Variants in RIPK1 observed in about 807,000 individuals in gnomAD.
RIPK1 encodes receptor interacting serine/threonine kinase 1, also known as receptor-interacting serine/threonine-protein kinase 1.
In RIPK1, 27 loss-of-function variants were observed where a neutral mutation model predicts 62.4. The observed-to-expected ratio is 0.43, with a 90% confidence interval of 0.32 to 0.60. RIPK1 has a LOEUF of 0.60. Among genes scored for constraint, RIPK1 ranks in the 20% least tolerant of loss-of-function variants. The pLI, the probability that RIPK1 is intolerant of heterozygous loss-of-function variation, is 0.07. For missense variants in RIPK1, 735 were observed against 831.0 expected, an observed-to-expected ratio of 0.88 and a Z score of 1.42; for synonymous variants, 287 against 303.2, an observed-to-expected ratio of 0.95 and a Z score of 0.55.
At chr6:3,097,256 A>G (rs1275178479) in intron 7 of RIPK1, among the ~76,000 whole-genome samples, 2 of 152,204 alleles carry the variant, frequency 1.3e-5, no homozygotes, top group Non-Finnish European at 2.9e-5. Flanking sequence ...AATCCATATG[A>G]AAAGGTAAAG....
chr6:3,071,955 T>G (rs534717074), intron 1 of RIPK1, among the ~76,000 whole-genome samples: 256 of 152,374 alleles, frequency 1.7e-3, no homozygotes, highest in Non-Finnish European at 3.0e-3. Flanking sequence ...CATGTTGTAG[T>G]TCCTGCCTGT....
intron 5 of RIPK1, among the ~76,000 whole-genome samples, chr6:3,084,640 T>C (rs1267585955): frequency 1.3e-5 from 2 of 149,226 alleles, no homozygotes; most frequent in South Asian, 2.1e-4. Flanking sequence ...TGTCGCCAGG[T>C]TGGAGTGCAG....
chr6:3,069,908 G>A (rs1758610405), intron 1 of RIPK1, among the ~76,000 whole-genome samples: 1 of 152,168 alleles, frequency 6.6e-6, no homozygotes, highest in Non-Finnish European at 1.5e-5. Flanking sequence ...CTACGCGGGA[G>A]GCTGAGGCAG....
Position 3,087,414 on chromosome 6 carries a change from T to G in RIPK1, c.838+2006T>G, listed in dbSNP as rs374689843. On this transcript the variant is annotated intron_variant, in intron 6 of 10. Transcript: ENST00000259808. ...TCCCACAGGTCCCTGAGGCTTTGTG[T>G]TTTTTTTGTTTTTTTTGTTTTTGTT... is the stretch of plus-strand genomic sequence containing the variant. Among the ~76,000 whole-genome samples the G allele has an allele frequency of 3.0e-3, 338 of 114,330 alleles. 2 individuals carry two copies. Among genetic ancestry groups the G allele is most frequent in the African/African-American group, 0.027 (327 of 12,168 alleles). The allele number at this position is 114,330 out of a possible 152,430, so 75.0% of individuals were successfully genotyped here.
Position 3,104,282 on chromosome 6 carries a change from T to C in RIPK1, c.973T>C (p.Cys325Arg), listed in dbSNP as rs759456633. ...GAGAATGCAGTCTCTTCAACTTGAT[T>C]GTGTGGCAGTACCTTCAAGCCGGTC... The part of the protein sequence containing the change: ...VKRMQSLQLD[C>R]VAVPSSRSNS... The change falls in exon 8 of 11, where the codon TGT becomes CGT. Residue 325 changes from cysteine to arginine, a missense_variant. Physicochemically the swap from Cys to Arg is radical, Grantham distance 180. This residue lies in a region of RIPK1 where 671 missense variants were observed against 726.2 expected (regional missense o/e 0.92). Coordinates refer to ENST00000259808, the MANE Select transcript of RIPK1 (RefSeq NM_001354930.2). 1.2e-6 allele frequency: 2 copies of C among 1,602,150 alleles called. No homozygotes were observed. Among genetic ancestry groups the C allele is most frequent in the Non-Finnish European group, 1.7e-6 (2 of 1,170,068 alleles).
At chr6:3,068,336 C>T (rs1758478901), upstream of RIPK1, 3 of 985,312 alleles carry the variant, frequency 3.0e-6, no homozygotes, top group Non-Finnish European at 3.6e-6. Flanking sequence ...TTACGTAGGC[C>T]GCCCCACTCG....
chr6:3,078,552 A>T (rs1254260907), intron 3 of RIPK1, among the ~76,000 whole-genome samples: 1 of 152,212 alleles, frequency 6.6e-6, no homozygotes, highest in Non-Finnish European at 1.5e-5. Context: ...CATGATGCAG[A>T]CATCATCTGA....
At chr6:3,069,023 C>T (rs1176365467) in intron 1 of RIPK1, 8 of 152,230 alleles carry the variant, frequency 5.3e-5, no homozygotes, top group Admixed American at 3.3e-4. Context: ...CGCTAGGTGT[C>T]TCTGCTTATC....
At chr6:3,087,632 T>C (rs530152198) in intron 6 of RIPK1, among the ~76,000 whole-genome samples, 113 of 151,984 alleles carry the variant, frequency 7.4e-4, no homozygotes, top group South Asian at 1.9e-3. Flanking sequence ...CTCTGCCTCC[T>C]GGGTTCACGC....
intron 7 of RIPK1, among the ~76,000 whole-genome samples, chr6:3,096,864 T>C (rs1482457766): frequency 6.9e-6 from 1 of 145,406 alleles, no homozygotes; most frequent in Admixed American, 6.8e-5. Context: ...CAGCCAAGTA[T>C]TTTGTTTTGT....
chr6:3,106,591 TACTC>T (rs1760861338), intron 9 of RIPK1, among the ~76,000 whole-genome samples: 1 of 152,236 alleles, frequency 6.6e-6, no homozygotes, highest in African/African-American at 2.4e-5. Flanking sequence ...TATCAAATAA[TACTC>T]ACCAACATCA....
intron 7 of RIPK1, among the ~76,000 whole-genome samples, chr6:3,098,243 A>G (rs571888728): frequency 7.2e-5 from 11 of 152,384 alleles, no homozygotes; most frequent in African/African-American, 2.6e-4. Flanking sequence ...ATAACTGACA[A>G]AGGACTTGAA....
At chr6:3,077,074 G>T (rs545330603) in intron 2 of RIPK1, 87 bp downstream of exon 2, 2 of 1,301,544 alleles carry the variant, frequency 1.5e-6, no homozygotes, top group South Asian at 1.5e-5. Flanking sequence ...CTGCGGAGCC[G>T]TTGGTGGGTA....
intron 2 of RIPK1, 134 bp downstream of exon 2, chr6:3,077,121 A>G: frequency 1.3e-6 from 1 of 751,928 alleles, no homozygotes; most frequent in Non-Finnish European, 2.1e-6. Flanking sequence ...CAGGGTGACG[A>G]TGGCTCTTCG....
chr6:3,082,221 G>A (rs1173652355), intron 4 of RIPK1, among the ~76,000 whole-genome samples: 1 of 152,208 alleles, frequency 6.6e-6, no homozygotes. Flanking sequence ...AGCAGGTTCT[G>A]CGTCTAGCGC....
chr6:3,085,182 G>T, intron 5 of RIPK1, 77 bp from the exon 6 acceptor site: 1 of 1,508,796 alleles, frequency 6.6e-7, no homozygotes, highest in South Asian at 1.1e-5. Context: ...TGAGAAAAAT[G>T]AGCAGTATTG....
At position 3,083,257 on chromosome 6, in the gene RIPK1, T is replaced by C. The variant is rs373377506; in HGVS notation, c.632T>C (p.Val211Ala). The change falls in exon 5 of 11, where the codon GTG (valine) becomes GCG (alanine). Residue 211 changes from valine to alanine, a missense_variant. Val to Ala is a moderately conservative substitution (Grantham distance 64). Transcript: ENST00000259808. ...VNAKPTEKSD[V>A]YSFAVVLWAI... ...GCAAAGCCCACAGAGAAGTCGGATG[T>C]GTACAGCTTTGCTGTAGTACTCTGG... 8 of 1,613,724 alleles carry C rather than the reference T, an allele frequency of 5.0e-6. No homozygotes were observed. Among genetic ancestry groups the C allele is most frequent in the Middle Eastern group, 1.6e-4 (1 of 6,082 alleles).
intron 7 of RIPK1, among the ~76,000 whole-genome samples, chr6:3,098,067 T>C (rs1760404563): frequency 6.6e-6 from 1 of 152,166 alleles, no homozygotes; most frequent in African/African-American, 2.4e-5. Context: ...GGCGTGGTGG[T>C]GCCCACTTTC....
At chr6:3,073,584 C>T (rs977251310) in intron 1 of RIPK1, among the ~76,000 whole-genome samples, 11 of 152,098 alleles carry the variant, frequency 7.2e-5, no homozygotes, top group African/African-American at 1.9e-4. Context: ...CACGTCCCAC[C>T]GATGTAGTTG....
Sources: gnomAD v4.1 joint callset for allele counts (sites outside exome capture counted in the v4.1 genomes callset) on GRCh38, gnomAD v4.1.1 for gene constraint, gnomAD v4.1.1 regional missense constraint, MANE v1.5 for transcripts, NCBI Gene and HGNC (gene_info 2026-07-23, HGNC 2026-07-21) for gene names.